Variants in PCCB observed in about 807,000 individuals in gnomAD.
The protein encoded by PCCB is propionyl-CoA carboxylase subunit beta, also known as propionyl-CoA carboxylase beta chain, mitochondrial.
A neutral mutation model predicts 60.7 loss-of-function variants in PCCB; 43 were observed. That is an observed-to-expected ratio of 0.71 (90% CI 0.55 to 0.91). PCCB has a LOEUF of 0.91. Among genes scored for constraint, PCCB ranks in the 40% least tolerant of loss-of-function variants. PCCB has a pLI of 0.00. For synonymous variants in PCCB, 276 were observed against 255.9 expected, an observed-to-expected ratio of 1.08 and a Z score of -0.75; for missense variants, 766 against 702.8, an observed-to-expected ratio of 1.09 and a Z score of -1.02.
At position 136,273,251 on chromosome 3, in the gene PCCB, G is replaced by A. The variant is rs569973995; in HGVS notation, c.544-10586G>A. On this transcript the variant is annotated intron_variant, in intron 5 of 14. Transcript: ENST00000251654. Reference sequence around the variant, plus strand: ...GGCCTGTCATACAGTCTATCTTGGAGAATGTTCCATGTGTTGAGGAGAAGA... The same window carrying A: ...GGCCTGTCATACAGTCTATCTTGGAAAATGTTCCATGTGTTGAGGAGAAGA... Among the ~76,000 whole-genome samples, 11 of 152,262 alleles carry A rather than the reference G, an allele frequency of 7.2e-5. 1 individual carries two copies. In the South Asian group the frequency reaches 2.1e-3, roughly 29 times the overall value.
intron 10 of PCCB, among the ~76,000 whole-genome samples, chr3:136,323,697 A>G (rs1175108572): frequency 1.3e-5 from 2 of 152,014 alleles, no homozygotes; most frequent in Non-Finnish European, 2.9e-5. Flanking sequence ...AGGCAGGAGA[A>G]TCACATGAAC....
In PCCB at chr3:136,318,506, A is replaced by G. The variant is rs1403490957; in HGVS notation, c.1090+1442A>G. 2.0e-5 allele frequency among the ~76,000 whole-genome samples: 3 copies of G among 152,190 alleles called. No homozygotes were observed. The East Asian group carries it at 5.8e-4, about 29-fold the overall frequency. On this transcript the variant is annotated intron_variant, in intron 10 of 14. Coordinates refer to ENST00000251654, the MANE Select transcript of PCCB (RefSeq NM_000532.5). ...ATGCAACCATCACCACTGTTTCCAA[A>G]CATTTTCATCTCCTCAGAGACTGTG...
intron 3 of PCCB, among the ~76,000 whole-genome samples, chr3:136,259,746 A>G (rs951896691): frequency 2.0e-5 from 3 of 152,172 alleles, no homozygotes; most frequent in African/African-American, 7.2e-5. Context: ...AAATGCTTTA[A>G]AAACTATATG....
At chr3:136,276,353 T>A (rs1257890404) in intron 5 of PCCB, among the ~76,000 whole-genome samples, 1 of 152,068 alleles carries the variant, frequency 6.6e-6, no homozygotes, top group Non-Finnish European at 1.5e-5. Context: ...CTGGGGGAAC[T>A]CTCAATTAGA....
chr3:136,282,154 A>G (rs921672136), intron 5 of PCCB, among the ~76,000 whole-genome samples: 1 of 152,192 alleles, frequency 6.6e-6, no homozygotes, highest in African/African-American at 2.4e-5. Flanking sequence ...AACTAGCTAC[A>G]CTAGGAACAT....
chr3:136,291,216 TC>T (rs1933673263), intron 6 of PCCB, among the ~76,000 whole-genome samples: 1 of 152,210 alleles, frequency 6.6e-6, no homozygotes, highest in Non-Finnish European at 1.5e-5. Context: ...CAAGTGATCC[TC>T]CCACCTCAGC....
At chr3:136,295,967 T>C (rs1036316570) in intron 7 of PCCB, among the ~76,000 whole-genome samples, 1 of 152,198 alleles carries the variant, frequency 6.6e-6, no homozygotes, top group African/African-American at 2.4e-5. Context: ...GTTTTCTTTC[T>C]GGGCCTGAGG....
At chr3:136,311,256 T>C (rs1302711862) in intron 9 of PCCB, among the ~76,000 whole-genome samples, 1 of 152,182 alleles carries the variant, frequency 6.6e-6, no homozygotes, top group African/African-American at 2.4e-5. Flanking sequence ...ACGCAAGCAG[T>C]AACCAATTAT....
Position 136,305,288 on chromosome 3 carries a change from C to T in PCCB, c.966+4177C>T, listed in dbSNP as rs1297318801. 1.0e-4 allele frequency among the ~76,000 whole-genome samples: 12 copies of T among 117,926 alleles called. 3 individuals carry two copies. The highest frequency in any genetic ancestry group is 3.1e-4 in the Admixed American group (3 of 9,668). The allele number at this position is 117,926 out of a possible 152,430, so 77.4% of individuals were successfully genotyped here. ...TTTTGTATTTTTAGAGATGGGGTTTCGCCATGTTGGCCAGGCTGGTCTCAA... is the reference window on the plus strand; with the variant it reads ...TTTTGTATTTTTAGAGATGGGGTTTTGCCATGTTGGCCAGGCTGGTCTCAA... On this transcript the variant is annotated intron_variant, in intron 9 of 14. Coordinates refer to ENST00000251654, the MANE Select transcript of PCCB (RefSeq NM_000532.5).
At chr3:136,300,458 C>G (rs1342598471) in intron 8 of PCCB, among the ~76,000 whole-genome samples, 1 of 152,204 alleles carries the variant, frequency 6.6e-6, no homozygotes, top group Non-Finnish European at 1.5e-5. Context: ...CTTAGTTTTT[C>G]TGCTGAGACA....
chr3:136,312,400 G>A (rs112797366), intron 9 of PCCB, among the ~76,000 whole-genome samples: 7 of 152,156 alleles, frequency 4.6e-5, no homozygotes, highest in African/African-American at 1.4e-4. Flanking sequence ...GTAAAAATAG[G>A]GTATTACAAT....
chr3:136,284,281 G>C (rs1358044002), intron 6 of PCCB, among the ~76,000 whole-genome samples: 1 of 150,604 alleles, frequency 6.6e-6, no homozygotes, highest in Non-Finnish European at 1.5e-5. Flanking sequence ...CTCATGGAAG[G>C]CTTTTCTGTA....
intron 1 of PCCB, chr3:136,252,286 T>G (rs1486460891): frequency 2.2e-6 from 1 of 455,500 alleles, no homozygotes; most frequent in African/African-American, 2.0e-5. Context: ...TGAGACAGAG[T>G]TCACTCTGTT....
At chr3:136,287,895 A>G (rs1397361159) in intron 6 of PCCB, among the ~76,000 whole-genome samples, 1 of 152,226 alleles carries the variant, frequency 6.6e-6, no homozygotes, top group African/African-American at 2.4e-5. Flanking sequence ...AACATTTCAC[A>G]TTAGAGGCAA....
chr3:136,294,437 G>C (rs1472739219), intron 7 of PCCB, among the ~76,000 whole-genome samples: 1 of 150,486 alleles, frequency 6.6e-6, no homozygotes, highest in African/African-American at 2.5e-5. Context: ...ACAGACTCTT[G>C]GGTAGCTAGG....
chr3:136,286,892 G>T (rs1014076572), intron 6 of PCCB, among the ~76,000 whole-genome samples: 1 of 151,938 alleles, frequency 6.6e-6, no homozygotes, highest in African/African-American at 2.4e-5. Flanking sequence ...TTAGCCAAGC[G>T]TGGTGGTACG....
At chr3:136,307,631 TAAA>T (rs71157372) in intron 9 of PCCB, among the ~76,000 whole-genome samples, 26 of 147,328 alleles carry the variant, frequency 1.8e-4, no homozygotes, top group Middle Eastern at 3.4e-3. Flanking sequence ...AGGGGAAAAA[TAAA>T]AAAAAAGGTA....
chr3:136,267,970 G>GAGTTTC (rs1204564966), intron 5 of PCCB, among the ~76,000 whole-genome samples: 1 of 134,604 alleles, frequency 7.4e-6, no homozygotes, highest in Non-Finnish European at 1.6e-5. Flanking sequence ...TTTTGAGATG[G>GAGTTTC]AGTTTCACTC....
chr3:136,250,438 C>A lies in PCCB; in HGVS notation c.63C>A (p.Leu21=). ...GGCTCAGCGTTCTGGCGAGCGGTCT[C>A]CGCGCCGCGGTCCGCAGCCTTTGCA... is the stretch of plus-strand genomic sequence containing the variant. ...GARLSVLASG[L]RAAVRSLCSQ... The change falls in exon 1 of 15, where the codon CTC becomes CTA. Residue 21 remains leucine (L), a synonymous_variant. Transcript: ENST00000251654. The A allele has an allele frequency of 6.3e-7, 1 of 1,598,122 alleles. No homozygotes were observed. The highest frequency in any genetic ancestry group is 1.7e-5 in the Admixed American group (1 of 57,558).
Sources: allele counts gnomAD v4.1 joint callset (sites outside exome capture counted in the v4.1 genomes callset), GRCh38; gene constraint gnomAD v4.1.1; transcripts MANE v1.5; gene names NCBI Gene and HGNC (gene_info 2026-07-23, HGNC 2026-07-21).